Variants in MAPRE2 observed in about 807,000 individuals in gnomAD.
MAPRE2 encodes the protein microtubule-associated protein RP/EB family member 2.
A neutral mutation model predicts 43.2 loss-of-function variants in MAPRE2; 13 were observed. That is an observed-to-expected ratio of 0.30 (90% CI 0.20 to 0.48). MAPRE2 has a LOEUF of 0.48. Ranked by LOEUF, MAPRE2 falls within the 20% of genes least tolerant of loss-of-function variation. The pLI is 0.99. For missense variants in MAPRE2, 161 were observed against 400.2 expected (o/e 0.40, Z 5.10); for synonymous variants, 135 against 148.8 (o/e 0.91, Z 0.68).
rs977893564 is a variant in MAPRE2, at chr18:35,031,868, C to T, written c.-8+26315C>T. Among the ~76,000 whole-genome samples the T allele has an allele frequency of 2.1e-4, 32 of 152,158 alleles. 1 individual carries two copies. The highest frequency in any genetic ancestry group is 1.5e-5 in the Non-Finnish European group (1 of 68,026). ...TCTTCATCTGGAGGAAAACATTATT[C>T]ACCAATTTTTTTTAAAATAAAATGC... On this transcript the variant is annotated intron_variant, in intron 2 of 7. Coordinates refer to the MAPRE2 transcript ENST00000413393.
At chr18:35,115,148 C>G (rs1909355589) in intron 4 of MAPRE2, among the ~76,000 whole-genome samples, 1 of 152,172 alleles carries the variant, frequency 6.6e-6, no homozygotes, top group Non-Finnish European at 1.5e-5. Flanking sequence ...ATTGTTCCCC[C>G]ATTGCCTGGC....
intron 1 of MAPRE2, among the ~76,000 whole-genome samples, chr18:35,069,339 G>A (rs1373674962): frequency 6.6e-6 from 1 of 151,996 alleles, no homozygotes; most frequent in East Asian, 1.9e-4. Context: ...ATGCATATTT[G>A]ATATAAGTAA....
At chr18:35,029,764 TC>T (rs1336040795) in intron 2 of MAPRE2, among the ~76,000 whole-genome samples, 1 of 152,166 alleles carries the variant, frequency 6.6e-6, no homozygotes, top group African/African-American at 2.4e-5. Context: ...TGCAGTCACT[TC>T]AACAAGATGC....
chr18:35,117,135 G>A (rs1909447695), intron 4 of MAPRE2, among the ~76,000 whole-genome samples: 1 of 152,160 alleles, frequency 6.6e-6, no homozygotes, highest in Non-Finnish European at 1.5e-5. Flanking sequence ...ATGATTAATG[G>A]GTTATGGGAA....
Position 35,012,960 on chromosome 18 carries a change from C to T in MAPRE2, c.-8+7407C>T, listed in dbSNP as rs74907779. ...GAGAGATGAAGATTAGCCAGAAACA[C>T]AAGAGAAAGACCAGTTGAGTATGCT... On this transcript the variant is annotated intron_variant, in intron 2 of 7. Coordinates refer to the MAPRE2 transcript ENST00000413393. Among the ~76,000 whole-genome samples, 979 of 152,162 alleles carry T rather than the reference C, an allele frequency of 6.4e-3. 9 individuals are homozygous for T. Among genetic ancestry groups the T allele is most frequent in the African/African-American group, 0.022 (909 of 41,500 alleles).
intron 2 of MAPRE2, among the ~76,000 whole-genome samples, chr18:35,033,378 A>G (rs935375183): frequency 1.3e-5 from 2 of 150,632 alleles, no homozygotes; most frequent in Non-Finnish European, 3.0e-5. Flanking sequence ...AATAAGAGCT[A>G]TCTATGACAA....
At chr18:35,066,040 G>T (rs1906823817) in intron 1 of MAPRE2, among the ~76,000 whole-genome samples, 3 of 152,212 alleles carry the variant, frequency 2.0e-5, no homozygotes, top group Admixed American at 2.0e-4. Context: ...ACATGCTGAA[G>T]ATCCAAACAT....
Position 35,143,329 on chromosome 18 carries a change from C to T in MAPRE2, c.*2960C>T, listed in dbSNP as rs1050105778. The T allele has an allele frequency of 2.0e-5, 3 of 151,948 alleles. No individual in the cohort carries two copies. Among genetic ancestry groups the T allele is most frequent in the Non-Finnish European group, 4.4e-5 (3 of 67,986 alleles). 9.4% of individuals were successfully genotyped at this position (151,948 alleles called of 1,614,324 possible). ...GTAATGACATAATAGATGAAAAAGT[C>T]TTATTCAGATGTATCACATTCATTT... On this transcript the variant is annotated 3_prime_UTR_variant, in exon 7 of 7. Coordinates refer to ENST00000300249, the MANE Select transcript of MAPRE2 (RefSeq NM_014268.4).
intron 1 of MAPRE2, among the ~76,000 whole-genome samples, chr18:34,993,756 C>A (rs1317182486): frequency 3.3e-5 from 5 of 152,172 alleles, no homozygotes; most frequent in Admixed American, 3.3e-4. Context: ...CTTTCTCACT[C>A]CTGATGGGAA....
At chr18:35,006,444 G>A (rs1484940056) in intron 2 of MAPRE2, among the ~76,000 whole-genome samples, 5 of 152,164 alleles carry the variant, frequency 3.3e-5, no homozygotes, top group African/African-American at 1.2e-4. Flanking sequence ...TCTCTAAACA[G>A]TAATGGTGAC....
At chr18:35,026,633 C>T (rs2097045378) in intron 2 of MAPRE2, among the ~76,000 whole-genome samples, 1 of 152,112 alleles carries the variant, frequency 6.6e-6, no homozygotes, top group East Asian at 1.9e-4. Context: ...TTTCTCCCTC[C>T]CCAAAAATAT....
At chr18:35,077,991 C>T (rs577492774) in intron 2 of MAPRE2, among the ~76,000 whole-genome samples, 159 of 152,234 alleles carry the variant, frequency 1.0e-3, no homozygotes, top group Non-Finnish European at 1.3e-3. Context: ...TTTGTATTTA[C>T]CATGATACTT....
intron 4 of MAPRE2, among the ~76,000 whole-genome samples, chr18:35,116,082 G>A (rs1302774134): frequency 6.6e-6 from 1 of 152,172 alleles, no homozygotes; most frequent in Non-Finnish European, 1.5e-5. Flanking sequence ...ACAATAAATA[G>A]GCAATAGTAA....
chr18:35,116,012 T>C (rs1035965056), intron 4 of MAPRE2, among the ~76,000 whole-genome samples: 7 of 152,200 alleles, frequency 4.6e-5, no homozygotes, highest in African/African-American at 1.7e-4. Flanking sequence ...ATTCTGGAGA[T>C]ACATAGTGAT....
intron 4 of MAPRE2, among the ~76,000 whole-genome samples, chr18:35,116,497 G>A (rs1723226791): frequency 6.6e-6 from 1 of 152,172 alleles, no homozygotes; most frequent in Admixed American, 6.5e-5. Context: ...TATCCACTGG[G>A]GTGGTGGTCT....
rs568209063 is a variant in MAPRE2, at chr18:35,070,842, C to T, written c.250+520C>T. 5.1e-4 allele frequency among the ~76,000 whole-genome samples: 78 copies of T among 152,260 alleles called. 1 individual carries two copies. In the South Asian group the frequency reaches 0.016, roughly 31 times the overall value. On this transcript the variant is annotated intron_variant, in intron 2 of 6. Transcript: ENST00000300249. Reference sequence around the variant, plus strand: ...ACTCTTTCCCTTTTGTATCCCATAGCTTTTTTCATGGTTCCTTTGCTGAGA... The same window carrying T: ...ACTCTTTCCCTTTTGTATCCCATAGTTTTTTTCATGGTTCCTTTGCTGAGA...
upstream of MAPRE2, among the ~76,000 whole-genome samples, chr18:35,038,694 T>C (rs2097051936): frequency 6.6e-6 from 1 of 152,220 alleles, no homozygotes; most frequent in Admixed American, 6.5e-5. Flanking sequence ...CAAAGTGGAA[T>C]TTGCCCTCCC....
Sources: allele counts gnomAD v4.1 joint callset (sites outside exome capture counted in the v4.1 genomes callset), GRCh38; gene constraint gnomAD v4.1.1; transcripts MANE v1.5; gene names NCBI Gene and HGNC (gene_info 2026-07-23, HGNC 2026-07-21).